Variants in CSNK2A1 observed in about 807,000 individuals in gnomAD.
CSNK2A1 encodes casein kinase 2 alpha 1.
A neutral mutation model predicts 62.9 loss-of-function variants in CSNK2A1; 10 were observed. The ratio of observed to expected loss-of-function variants is 0.16; its 90% CI spans 0.10 to 0.27. The LOEUF (loss-of-function observed/expected upper bound fraction) is 0.27. Ranked by LOEUF, CSNK2A1 falls within the 10% of genes least tolerant of loss-of-function variation. The pLI, the probability that CSNK2A1 is intolerant of heterozygous loss-of-function variation, is 1.00. For synonymous variants in CSNK2A1, 124 were observed against 167.8 expected (o/e 0.74, Z 2.02); for missense variants, 160 against 492.0 (o/e 0.33, Z 6.38).
At position 481,813 on chromosome 20, in the gene CSNK2A1, A is replaced by T. The variant is rs2017961650; in HGVS notation, c.*2148T>A. 6.6e-6 allele frequency: 1 copy of T among 152,226 alleles called. No homozygotes were observed. Among genetic ancestry groups the T allele is most frequent in the Non-Finnish European group, 1.5e-5 (1 of 68,036 alleles). 9.4% of individuals were successfully genotyped at this position (152,226 alleles called of 1,614,324 possible). ...AAGTGTCCTGTTCAAATCACAATCCAGTGCAAACATAATCACAAATTGCAT... is the reference window on the plus strand; with the variant it reads ...AAGTGTCCTGTTCAAATCACAATCCTGTGCAAACATAATCACAAATTGCAT... On this transcript the variant is annotated 3_prime_UTR_variant, in exon 14 of 14. Coordinates refer to ENST00000217244, the MANE Select transcript of CSNK2A1 (RefSeq NM_177559.3).
Position 518,953 on chromosome 20 carries a change from T to TG in CSNK2A1, c.-110+8979dup, listed in dbSNP as rs1186886615. 2.0e-5 allele frequency among the ~76,000 whole-genome samples: 3 copies of TG among 147,626 alleles called. No homozygotes were observed. The East Asian group carries it at 5.8e-4, about 29-fold the overall frequency. On this transcript the variant is annotated intron_variant, in intron 2 of 13. Coordinates refer to ENST00000217244, the MANE Select transcript of CSNK2A1 (RefSeq NM_177559.3). ...ATATACTTTTTTTTTTTTTTTTTTT[T>TG]GCCACAAAGTCTTGTTCTGCCACCC...
intron 13 of CSNK2A1, among the ~76,000 whole-genome samples, chr20:485,855 G>A (rs1264808246): frequency 6.6e-6 from 1 of 152,186 alleles, no homozygotes; most frequent in East Asian, 1.9e-4. Context: ...CTATGTGCCT[G>A]TAGTTCCTTT....
At chr20:500,408 G>C (rs1036698813) in intron 4 of CSNK2A1, 1 of 172,976 alleles carries the variant, frequency 5.8e-6, no homozygotes, top group Admixed American at 5.6e-5. Flanking sequence ...AGGGTAAAGG[G>C]TGAGTCTTGG....
At chr20:522,519 T>A (rs1270560938) in intron 2 of CSNK2A1, among the ~76,000 whole-genome samples, 1 of 152,100 alleles carries the variant, frequency 6.6e-6, no homozygotes, top group Non-Finnish European at 1.5e-5. Context: ...TAATGAAAAT[T>A]AAAGACAGAC....
intron 12 of CSNK2A1, 65 bp downstream of exon 12, chr20:487,362 T>C: frequency 6.3e-7 from 1 of 1,599,164 alleles, no homozygotes; most frequent in Non-Finnish European, 8.5e-7. Context: ...GGAGCTGGGA[T>C]TACGACTCTG....
In CSNK2A1 at chr20:478,569, C is replaced by T. The variant is rs2122476272; in HGVS notation, c.*5392G>A. The T allele has an allele frequency of 2.8e-6, 1 of 354,430 alleles. No individual in the cohort carries two copies. The highest frequency in any genetic ancestry group is 2.0e-5 in the South Asian group (1 of 49,340). 22.0% of individuals were successfully genotyped at this position (354,430 alleles called of 1,614,324 possible). ...CCCAGGAACTTCTCTAAGAAATGGA[C>T]TGACCATCCTGTAAGCTTCCATCTG... is the stretch of plus-strand genomic sequence containing the variant. On this transcript the variant is annotated 3_prime_UTR_variant, in exon 14 of 14. Coordinates refer to ENST00000217244, the MANE Select transcript of CSNK2A1 (RefSeq NM_177559.3).
At chr20:491,123 C>T (rs1309681835) in intron 9 of CSNK2A1, among the ~76,000 whole-genome samples, 1 of 152,058 alleles carries the variant, frequency 6.6e-6, no homozygotes, top group Non-Finnish European at 1.5e-5. Flanking sequence ...GAAATTCCTA[C>T]AAGAACAAAA....
intron 2 of CSNK2A1, among the ~76,000 whole-genome samples, chr20:509,804 C>G (rs751385030): frequency 6.6e-6 from 1 of 152,076 alleles, no homozygotes; most frequent in African/African-American, 2.4e-5. Flanking sequence ...CTTGAACTCC[C>G]AGGCTCAAGC....
In CSNK2A1 at chr20:499,400, G is replaced by T; in HGVS notation, c.316-95C>A. On this transcript the variant is annotated intron_variant, in intron 5 of 13. Transcript: ENST00000217244. This position sits in a 1 kb window ranked among gnomAD's most constrained non-coding sequence, Gnocchi z 4.2. ...TTGCGGATGCTGCGTGGTGAAATTT[G>T]GCAGTCCTCGCCTCAGTAGTAAGAA... The T allele has an allele frequency of 1.7e-6, 2 of 1,200,608 alleles. No individual in the cohort carries two copies. The highest frequency in any genetic ancestry group is 2.9e-5 in the South Asian group (2 of 68,498). The allele number at this position is 1,200,608 out of a possible 1,614,324, so 74.4% of individuals were successfully genotyped here.
At chr20:513,817 C>T (rs767463592) in intron 2 of CSNK2A1, among the ~76,000 whole-genome samples, 8 of 152,200 alleles carry the variant, frequency 5.3e-5, no homozygotes, top group Non-Finnish European at 1.2e-4. Flanking sequence ...ACTAGCAGAT[C>T]TGATTCTCCA....
rs2018067400 is a variant in CSNK2A1, at chr20:485,127, T to TATATATATATATA, written c.1061-1052_1061-1051insTATATATATATAT. On this transcript the variant is annotated intron_variant, in intron 13 of 13. Transcript: ENST00000217244. The stretch of plus-strand genomic sequence containing the variant: ...AAAAAAAAATATATATATATATATA[T>TATATATATATATA]ATATATATATGAGAACATTATTATA... 2.2e-5 allele frequency among the ~76,000 whole-genome samples: 2 copies of TATATATATATATA among 90,256 alleles called. 1 individual carries two copies. Among genetic ancestry groups the TATATATATATATA allele is most frequent in the African/African-American group, 8.6e-5 (2 of 23,244 alleles). The allele number at this position is 90,256 out of a possible 152,430, so 59.2% of individuals were successfully genotyped here. A position where few individuals can be genotyped will look rare whatever the true frequency, so the allele number is the denominator to read the frequency against.
intron 6 of CSNK2A1, 68 bp from the exon 7 acceptor site, chr20:497,848 A>G: frequency 7.0e-7 from 1 of 1,433,900 alleles, no homozygotes; most frequent in Non-Finnish European, 9.8e-7. Context: ...CCTCACTCAC[A>G]GTAATTCAAA....
intron 4 of CSNK2A1, chr20:500,526 T>C (rs772488922): frequency 1.6e-4 from 25 of 153,166 alleles, no homozygotes; most frequent in Non-Finnish European, 2.8e-4. Context: ...GTAACAAGAG[T>C]ACCCATCTCA....
intron 2 of CSNK2A1, among the ~76,000 whole-genome samples, chr20:509,765 C>T (rs766342181): frequency 2.6e-5 from 4 of 152,054 alleles, no homozygotes; most frequent in Non-Finnish European, 4.4e-5. Context: ...TCAGTAGAGA[C>T]GGTGTTTCAC....
At position 499,959 on chromosome 20, in the gene CSNK2A1, A is replaced by G; in HGVS notation, c.214-25T>C. On this transcript the variant is annotated intron_variant, in intron 4 of 13. Transcript: ENST00000217244. The surrounding 1 kb of genome is among the most constrained non-coding windows in gnomAD (Gnocchi z 4.2). ...GCTGAAAGGGGAAAAGTACATCAGCAAAAAAAAAAAAAAAAAATTTTTTCA... is the reference window on the plus strand; with the variant it reads ...GCTGAAAGGGGAAAAGTACATCAGCGAAAAAAAAAAAAAAAAATTTTTTCA... 1 of 114,290 alleles carries G rather than the reference A, an allele frequency of 8.7e-6. No individual in the cohort carries two copies. The highest frequency in any genetic ancestry group is 1.3e-5 in the Non-Finnish European group (1 of 74,262). 7.1% of individuals were successfully genotyped at this position (114,290 alleles called of 1,614,324 possible).
rs768240053 is a variant in CSNK2A1 at position 497,794 on chromosome 20, A to G, written c.367-14T>C. 1.9e-6 allele frequency: 3 copies of G among 1,610,092 alleles called. No homozygotes were observed. Among genetic ancestry groups the G allele is most frequent in the Admixed American group, 3.3e-5 (2 of 59,720 alleles). On this transcript the variant is annotated splice_polypyrimidine_tract_variant and intron_variant, in intron 6 of 13. Transcript: ENST00000217244. Reference sequence around the variant, plus strand: ...CTGGTACAATTGCTGTTAAAGACAAATGTTTGAGCCATGAAATAATGCTGA... The same window carrying G: ...CTGGTACAATTGCTGTTAAAGACAAGTGTTTGAGCCATGAAATAATGCTGA...
intron 1 of CSNK2A1, chr20:542,916 G>A (rs2019484169): frequency 1.3e-5 from 2 of 152,406 alleles, no homozygotes; most frequent in African/African-American, 4.8e-5. Context: ...AACTACAGAA[G>A]CTCCACCCAT....
intron 8 of CSNK2A1, chr20:494,357 T>C (rs1036759101): frequency 3.3e-5 from 5 of 152,220 alleles, no homozygotes; most frequent in African/African-American, 1.2e-4. Context: ...CAAATATAGT[T>C]GCATTCATAT....
chr20:501,111 C>CTGGA (rs2018459615), intron 4 of CSNK2A1: 1 of 151,116 alleles, frequency 6.6e-6, no homozygotes. Flanking sequence ...GTCGCCCAGG[C>CTGGA]TGGAGTGTAG....
Sources: gnomAD v4.1 joint callset for allele counts (sites outside exome capture counted in the v4.1 genomes callset) on GRCh38, gnomAD v4.1.1 for gene constraint, Gnocchi (gnomAD v3.1) non-coding constraint, MANE v1.5 for transcripts, NCBI Gene and HGNC (gene_info 2026-07-23, HGNC 2026-07-21) for gene names.